Variants in CARMIL1 observed in about 807,000 individuals in gnomAD.
CARMIL1 encodes the protein F-actin-uncapping protein LRRC16A.
CARMIL1 carries 90 observed loss-of-function variants against 177.1 expected under a neutral mutation model. That is an observed-to-expected ratio of 0.51 (90% CI 0.43 to 0.61). The LOEUF is 0.61. Among genes scored for constraint, CARMIL1 ranks in the 20% least tolerant of loss-of-function variants. The pLI is 0.00. For missense variants in CARMIL1, 1,380 were observed against 1,667.0 expected (o/e 0.83, Z 3.00); for synonymous variants, 577 against 606.2 (o/e 0.95, Z 0.71).
At chr6:25,446,747 C>T (rs970133549) in intron 5 of CARMIL1, among the ~76,000 whole-genome samples, 1 of 152,168 alleles carries the variant, frequency 6.6e-6, no homozygotes, top group African/African-American at 2.4e-5. Context: ...GTGCCTTTCT[C>T]ACTAAGCTTG....
chr6:25,366,014 T>C (rs772893069), intron 2 of CARMIL1, among the ~76,000 whole-genome samples: 1 of 152,182 alleles, frequency 6.6e-6, no homozygotes, highest in Non-Finnish European at 1.5e-5. Flanking sequence ...TATTATGTAT[T>C]TAGAGACAGT....
chr6:25,441,316 CAAACAT>C (rs1316038106), intron 5 of CARMIL1, among the ~76,000 whole-genome samples: 16 of 52,832 alleles, frequency 3.0e-4, no homozygotes, highest in African/African-American at 1.0e-3. Flanking sequence ...AACAAACAAA[CAAACAT>C]ATATATATAT....
chr6:25,452,004 C>CCCCAA, intron 8 of CARMIL1: 4 of 315,370 alleles, frequency 1.3e-5, no homozygotes, highest in South Asian at 3.0e-5. Flanking sequence ...CTCCCCCCCC[C>CCCCAA]AGAATACTGT....
chr6:25,362,340 A>G (rs563207945), intron 2 of CARMIL1, among the ~76,000 whole-genome samples: 48 of 152,372 alleles, frequency 3.2e-4, no homozygotes, highest in African/African-American at 1.1e-3. Flanking sequence ...ATTGAATCCA[A>G]TTCAGCAAAC....
At chr6:25,459,275 T>TCTTTCTTTCTTTCTTTCTTTCTTTC (rs1272799059) in intron 8 of CARMIL1, among the ~76,000 whole-genome samples, 3 of 141,426 alleles carry the variant, frequency 2.1e-5, no homozygotes, top group Admixed American at 7.6e-5. Context: ...TCTTTTTTTT[T>TCTTTCTTTCTTTCTTTCTTTCTTTC]TTTTTAAGAC....
intron 29 of CARMIL1, among the ~76,000 whole-genome samples, chr6:25,572,286 G>A (rs1043587909): frequency 6.6e-6 from 1 of 152,078 alleles, no homozygotes; most frequent in Non-Finnish European, 1.5e-5. Context: ...GAGTATATTT[G>A]TATTTATTAG....
At chr6:25,311,190 A>C (rs551535137) in intron 2 of CARMIL1, among the ~76,000 whole-genome samples, 7 of 152,216 alleles carry the variant, frequency 4.6e-5, no homozygotes, top group Middle Eastern at 3.2e-3. Flanking sequence ...CTCAAAACAA[A>C]ACAAAACACA....
At chr6:25,611,242 A>G (rs946730398) in intron 36 of CARMIL1, among the ~76,000 whole-genome samples, 1 of 152,262 alleles carries the variant, frequency 6.6e-6, no homozygotes, top group African/African-American at 2.4e-5. Context: ...TTTGCTATAA[A>G]TAAAAGATGG....
At chr6:25,484,804 G>A (rs1310872537) in intron 12 of CARMIL1, among the ~76,000 whole-genome samples, 1 of 152,102 alleles carries the variant, frequency 6.6e-6, no homozygotes, top group Non-Finnish European at 1.5e-5. Flanking sequence ...TATATGACTT[G>A]TGTACATATT....
intron 2 of CARMIL1, among the ~76,000 whole-genome samples, chr6:25,400,630 TA>T (rs1163731307): frequency 6.6e-6 from 1 of 152,204 alleles, no homozygotes; most frequent in African/African-American, 2.4e-5. Context: ...TTTAAAAACT[TA>T]TAACTTGGGG....
chr6:25,312,554 C>T (rs760936434), intron 2 of CARMIL1, among the ~76,000 whole-genome samples: 1 of 152,116 alleles, frequency 6.6e-6, no homozygotes, highest in South Asian at 2.1e-4. Flanking sequence ...ATTCCTAACT[C>T]ATTTTTTGTT....
intron 8 of CARMIL1, among the ~76,000 whole-genome samples, chr6:25,461,828 T>A (rs1157974891): frequency 6.6e-6 from 1 of 152,172 alleles, no homozygotes; most frequent in African/African-American, 2.4e-5. Context: ...TGGGTCCTTA[T>A]TAGCAATTGG....
intron 35 of CARMIL1, among the ~76,000 whole-genome samples, chr6:25,608,258 AAAAG>A (rs1340337459): frequency 6.6e-6 from 1 of 152,228 alleles, no homozygotes; most frequent in Admixed American, 6.5e-5. Flanking sequence ...GAGAGAGAGA[AAAAG>A]AGAGAGAGAC....
rs138068527 is a variant in CARMIL1 at position 25,358,161 on chromosome 6, C to A, written c.139-61953C>A. 3.3e-5 allele frequency among the ~76,000 whole-genome samples: 5 copies of A among 152,288 alleles called. No homozygotes were observed. The East Asian group carries it at 9.6e-4, about 29-fold the overall frequency. ...AACCATTTCTGAGCAAAATTGTGAG[C>A]AGAGTTTGTCTTGTGTGTTGGCTGT... is the stretch of plus-strand genomic sequence containing the variant. On this transcript the variant is annotated intron_variant, in intron 2 of 36. Transcript: ENST00000329474.
intron 2 of CARMIL1, among the ~76,000 whole-genome samples, chr6:25,369,380 T>TTTG (rs1290901406): frequency 5.0e-5 from 1 of 20,094 alleles, no homozygotes; most frequent in Non-Finnish European, 1.3e-4. Flanking sequence ...CTGTATTTTG[T>TTTG]TTTTTTTTTT....
intron 29 of CARMIL1, among the ~76,000 whole-genome samples, chr6:25,575,001 A>C (rs1812454811): frequency 6.6e-6 from 1 of 152,238 alleles, no homozygotes; most frequent in African/African-American, 2.4e-5. Context: ...TGTTTGCCAG[A>C]CACTGTGCTA....
chr6:25,481,046 A>G (rs2150968144), intron 11 of CARMIL1, among the ~76,000 whole-genome samples: 1 of 150,496 alleles, frequency 6.6e-6, no homozygotes, highest in East Asian at 1.9e-4. Context: ...AGATTAATCA[A>G]GTTTTAACAG....
chr6:25,586,823 G>A (rs146889317), intron 31 of CARMIL1, among the ~76,000 whole-genome samples: 2,895 of 152,038 alleles, frequency 0.019, 71 homozygotes, highest in African/African-American at 0.057. Flanking sequence ...GCGTGGCGGC[G>A]CGCGCCTGCA....
intron 2 of CARMIL1, among the ~76,000 whole-genome samples, chr6:25,340,112 C>T (rs12663981): frequency 0.075 from 11,376 of 152,196 alleles, 571 homozygotes; most frequent in South Asian, 0.17. Flanking sequence ...TTTCTTTAAG[C>T]CTTACCCTAG....
Sources: gnomAD v4.1 joint callset for allele counts (sites outside exome capture counted in the v4.1 genomes callset) on GRCh38, gnomAD v4.1.1 for gene constraint, MANE v1.5 for transcripts, NCBI Gene and HGNC (gene_info 2026-07-23, HGNC 2026-07-21) for gene names.